The following TOR1AIP1 variants were observed in gnomAD, a reference collection of about 807,000 sequenced individuals.
TOR1AIP1 encodes the protein torsin 1A interacting protein 1.
TOR1AIP1 carries 54 observed loss-of-function variants against 63.3 expected under a neutral mutation model. That is an observed-to-expected ratio of 0.85 (90% CI 0.69 to 1.07). The LOEUF (loss-of-function observed/expected upper bound fraction) is 1.07, where lower values mean the gene tolerates loss of function less well. Among genes scored for constraint, TOR1AIP1 ranks in the 50% least tolerant of loss-of-function variants. The pLI is 0.00. For missense variants in TOR1AIP1, 736 were observed against 715.0 expected (o/e 1.03, Z -0.33); for synonymous variants, 294 against 273.5 (o/e 1.07, Z -0.74).
Position 179,918,502 on chromosome 1 carries a change from G to C in TOR1AIP1, c.*263G>C. The stretch of plus-strand genomic sequence containing the variant: ...TGCAGTTCCTTAGAGAATCTGTTTT[G>C]ATTCTGGGCTGAGTTATTACAGTTA... On this transcript the variant is annotated 3_prime_UTR_variant, in exon 10 of 10. Coordinates refer to ENST00000606911, the MANE Select transcript of TOR1AIP1 (RefSeq NM_015602.4). The C allele has an allele frequency of 2.8e-6, 1 of 363,440 alleles. No individual in the cohort carries two copies. The highest frequency in any genetic ancestry group is 5.0e-6 in the Non-Finnish European group (1 of 201,760). The allele number at this position is 363,440 out of a possible 1,614,324, so 22.5% of individuals were successfully genotyped here.
Position 179,882,288 on chromosome 1 carries a change from G to A in TOR1AIP1, c.-215G>A, listed in dbSNP as rs1469397081. ...CAGCAGCTGACCCAGCTCAGGCACT[G>A]CCTCTCTCACAGCCCTCAAGACACA... On this transcript the variant is annotated 5_prime_UTR_variant, in exon 1 of 10. Coordinates refer to ENST00000606911, the MANE Select transcript of TOR1AIP1 (RefSeq NM_015602.4). 2 of 421,840 alleles carry A rather than the reference G, an allele frequency of 4.7e-6. No homozygotes were observed. Among genetic ancestry groups the A allele is most frequent in the Middle Eastern group, 6.1e-4 (1 of 1,630 alleles). 26.1% of individuals were successfully genotyped at this position (421,840 alleles called of 1,614,324 possible). A position where few individuals can be genotyped will look rare whatever the true frequency, so the allele number is the denominator to read the frequency against.
At chr1:179,890,593 G>T (rs1202509757) in intron 3 of TOR1AIP1, among the ~76,000 whole-genome samples, 1 of 151,996 alleles carries the variant, frequency 6.6e-6, no homozygotes, top group Non-Finnish European at 1.5e-5. Context: ...AATTATGTTC[G>T]TTTATTTCTA....
intron 3 of TOR1AIP1, among the ~76,000 whole-genome samples, chr1:179,898,121 AGTGTTTACTAT>A (rs1231536961): frequency 6.6e-6 from 1 of 151,922 alleles, no homozygotes; most frequent in Non-Finnish European, 1.5e-5. Flanking sequence ...AAAATTATTG[AGTGTTTACTAT>A]GTGCTGTTAT....
At chr1:179,914,147 A>G in intron 9 of TOR1AIP1, 93 bp downstream of exon 9, 1 of 1,072,702 alleles carries the variant, frequency 9.3e-7, no homozygotes, top group East Asian at 2.6e-5. Context: ...GTATGACTCG[A>G]TGCTATTTGA....
chr1:179,918,101 C>T lies in TOR1AIP1; in HGVS notation c.1614C>T (p.Val538=). 6.2e-7 allele frequency: 1 copy of T among 1,614,110 alleles called. No individual in the cohort carries two copies. Among genetic ancestry groups the T allele is most frequent in the Non-Finnish European group, 8.5e-7 (1 of 1,180,036 alleles). ...VEEKVRDFLK[V]KFTNSNTPNS... is the part of the protein sequence containing the mutation. ...AAAAAGTAAGAGATTTTCTTAAAGT[C>T]AAGTTCACCAATTCTAACACACCCA... The change falls in exon 10 of 10, where the codon GTC becomes GTT. Residue 538 remains valine, a synonymous_variant. Transcript: ENST00000606911.
chr1:179,911,553 T>G (rs1248026230), intron 8 of TOR1AIP1, among the ~76,000 whole-genome samples: 1 of 152,218 alleles, frequency 6.6e-6, no homozygotes, highest in African/African-American at 2.4e-5. Context: ...ACAATGATTA[T>G]AGAGAAGAAT....
chr1:179,905,559 G>A (rs987417770), intron 6 of TOR1AIP1, among the ~76,000 whole-genome samples: 9 of 151,934 alleles, frequency 5.9e-5, no homozygotes, highest in African/African-American at 9.7e-5. Flanking sequence ...ATTACTCTTC[G>A]AATTATTTTA....
intron 3 of TOR1AIP1, among the ~76,000 whole-genome samples, chr1:179,893,716 A>G (rs1648178572): frequency 6.6e-6 from 1 of 151,932 alleles, no homozygotes; most frequent in African/African-American, 2.4e-5. Flanking sequence ...GCTGGGATTT[A>G]CAGGCATGAG....
In TOR1AIP1 at chr1:179,905,220, T is replaced by C. The variant is rs1012836700; in HGVS notation, c.796+1198T>C. Among the ~76,000 whole-genome samples, 5 of 151,360 alleles carry C rather than the reference T, an allele frequency of 3.3e-5. No homozygotes were observed. In the East Asian group the frequency reaches 9.8e-4, roughly 30 times the overall value. On this transcript the variant is annotated intron_variant, in intron 6 of 9. Transcript: ENST00000606911. ...TGAAACCCCGTCTCTACTAAAAATA[T>C]AAAAATTAGCTGGGCGTGGTGGCGC... is the stretch of plus-strand genomic sequence containing the variant.
intron 8 of TOR1AIP1, 22 bp from the exon 9 acceptor site, chr1:179,913,976 A>G (rs79549895): frequency 1.4e-5 from 23 of 1,606,736 alleles, no homozygotes; most frequent in East Asian, 6.7e-5. Context: ...TGATAGTCTT[A>G]TTTTATTACT....
chr1:179,914,141 G>T, intron 9 of TOR1AIP1, 87 bp downstream of exon 9: 2 of 1,110,988 alleles, frequency 1.8e-6, no homozygotes, highest in South Asian at 2.7e-5. Context: ...ACAGCAGTAT[G>T]ACTCGATGCT....
At chr1:179,909,484 C>T (rs1191801699) in intron 8 of TOR1AIP1, among the ~76,000 whole-genome samples, 2 of 151,908 alleles carry the variant, frequency 1.3e-5, no homozygotes, top group East Asian at 3.9e-4. Flanking sequence ...AACCTCAGTT[C>T]ACTGCAACCT....
chr1:179,918,306 A>G lies in TOR1AIP1; in HGVS notation c.*67A>G, dbSNP rs1175415690. ...TTGTTCACACTTTCTAACCAGAGAC[A>G]GAATTCAGAGCTCTTTTTGAAAGAA... On this transcript the variant is annotated 3_prime_UTR_variant, in exon 10 of 10. Coordinates refer to ENST00000606911, the MANE Select transcript of TOR1AIP1 (RefSeq NM_015602.4). 1 of 1,442,882 alleles carries G rather than the reference A, an allele frequency of 6.9e-7. No homozygotes were observed. The highest frequency in any genetic ancestry group is 1.4e-5 in the African/African-American group (1 of 70,318). The allele number at this position is 1,442,882 out of a possible 1,614,324, so 89.4% of individuals were successfully genotyped here.
chr1:179,890,177 A>G (rs556464972), intron 3 of TOR1AIP1, among the ~76,000 whole-genome samples: 1 of 152,320 alleles, frequency 6.6e-6, no homozygotes, highest in East Asian at 1.9e-4. Context: ...TCCCTCCCTC[A>G]GTTATCTTTT....
intron 9 of TOR1AIP1, among the ~76,000 whole-genome samples, chr1:179,915,952 A>G (rs115351865): frequency 2.1e-4 from 32 of 152,326 alleles, no homozygotes; most frequent in African/African-American, 7.7e-4. Context: ...TCGCCTTGTA[A>G]TTCATTTGCA....
Position 179,917,922 on chromosome 1 carries a change from C to G in TOR1AIP1, c.1435C>G (p.His479Asp). The change falls in exon 10 of 10, where the codon CAC becomes GAC. Residue 479 changes from histidine to aspartate, a missense_variant. Physicochemically the swap from His to Asp is moderately conservative, Grantham distance 81. Transcript: ENST00000606911. ...FKNGQNAAVV[H>D]RFESFPAGST... The stretch of plus-strand genomic sequence containing the variant: ...GAATGGCCAGAATGCAGCTGTGGTA[C>G]ACCGCTTTGAGTCATTTCCCGCAGG... 1 of 1,614,208 alleles carries G rather than the reference C, an allele frequency of 6.2e-7. No homozygotes were observed. Among genetic ancestry groups the G allele is most frequent in the Non-Finnish European group, 8.5e-7 (1 of 1,180,046 alleles).
intron 3 of TOR1AIP1, among the ~76,000 whole-genome samples, chr1:179,893,893 A>G (rs1648182417): frequency 6.6e-6 from 1 of 152,254 alleles, no homozygotes; most frequent in African/African-American, 2.4e-5. Flanking sequence ...TATGTGACTC[A>G]CAAAGCTTAA....
intron 3 of TOR1AIP1, among the ~76,000 whole-genome samples, chr1:179,894,548 TGTG>T (rs1057299202): frequency 6.6e-6 from 1 of 151,448 alleles, no homozygotes; most frequent in Non-Finnish European, 1.5e-5. Context: ...ATTAGCCAAT[TGTG>T]GTGGCAGGCA....
At chr1:179,890,775 A>G (rs917969917) in intron 3 of TOR1AIP1, among the ~76,000 whole-genome samples, 2 of 152,084 alleles carry the variant, frequency 1.3e-5, no homozygotes, top group African/African-American at 4.8e-5. Context: ...ATGCATCACC[A>G]TGCCTGGCTG....
Sources: gnomAD v4.1 joint callset for allele counts (sites outside exome capture counted in the v4.1 genomes callset) on GRCh38, gnomAD v4.1.1 for gene constraint, MANE v1.5 for transcripts, NCBI Gene and HGNC (gene_info 2026-07-23, HGNC 2026-07-21) for gene names.